The following CLEC9A variants were observed in gnomAD, a reference collection of about 807,000 sequenced individuals.
The protein encoded by CLEC9A is C-type lectin domain family 9 member A.
A neutral mutation model predicts 30.0 loss-of-function variants in CLEC9A; 24 were observed. The ratio of observed to expected loss-of-function variants is 0.80; its 90% CI spans 0.58 to 1.13. CLEC9A has a LOEUF of 1.13. Among genes scored for constraint, CLEC9A ranks in the 50% most tolerant of loss-of-function variants. CLEC9A has a pLI of 0.00. For missense variants in CLEC9A, 251 were observed against 280.9 expected, an observed-to-expected ratio of 0.89 and a Z score of 0.76; for synonymous variants, 111 against 96.8, an observed-to-expected ratio of 1.15 and a Z score of -0.86.
At chr12:10,062,939 G>C in intron 6 of CLEC9A, 116 bp from the exon 7 acceptor site, 1 of 774,192 alleles carries the variant, frequency 1.3e-6, no homozygotes, top group Non-Finnish European at 1.9e-6. Flanking sequence ...ACATCATGTG[G>C]ACCATTACGT....
In CLEC9A at chr12:10,056,128, A is replaced by G. The variant is rs190407920; in HGVS notation, c.172+1777A>G. Among the ~76,000 whole-genome samples the G allele has an allele frequency of 6.0e-5, 9 of 150,152 alleles. No individual in the cohort carries two copies. The East Asian group carries it at 1.8e-3, about 30-fold the overall frequency. On this transcript the variant is annotated intron_variant, in intron 5 of 8. Transcript: ENST00000355819. ...CATGTTGTCAAAAGATTTGCTGTTC[A>G]GTGTATACCTAAGTGTCTTCTCCAT... is the stretch of plus-strand genomic sequence containing the variant.
At chr12:10,049,578 G>GT (rs1182465384) in intron 2 of CLEC9A, among the ~76,000 whole-genome samples, 1 of 152,056 alleles carries the variant, frequency 6.6e-6, no homozygotes, top group Non-Finnish European at 1.5e-5. Flanking sequence ...TTCATCTTTC[G>GT]TTTTTTTGTT....
At chr12:10,058,867 T>C (rs948083134) in intron 5 of CLEC9A, among the ~76,000 whole-genome samples, 26 of 152,320 alleles carry the variant, frequency 1.7e-4, no homozygotes, top group African/African-American at 6.0e-4. Flanking sequence ...ATGATTTTTC[T>C]GTGTGATCGT....
chr12:10,030,911 A>AGCC lies in CLEC9A; in HGVS notation c.-379_-378insGCC, dbSNP rs1476708304. On this transcript the variant is annotated 5_prime_UTR_variant, in exon 1 of 9. Transcript: ENST00000355819. The stretch of plus-strand genomic sequence containing the variant: ...CTGGGTATTTGATCCACACAATGGT[A>AGCC]AAGATTCCCATGTTAGCCAAGATCT... 1 of 152,184 alleles carries AGCC rather than the reference A, an allele frequency of 6.6e-6. No homozygotes were observed. Among genetic ancestry groups the AGCC allele is most frequent in the African/African-American group, 2.4e-5 (1 of 41,436 alleles). The allele number at this position is 152,184 out of a possible 1,614,324, so 9.4% of individuals were successfully genotyped here.
chr12:10,034,153 T>A (rs1565587094), intron 1 of CLEC9A, among the ~76,000 whole-genome samples: 1 of 152,238 alleles, frequency 6.6e-6, no homozygotes, highest in Non-Finnish European at 1.5e-5. Context: ...GCCCTGTGGC[T>A]TTTGGCAAGT....
chr12:10,049,131 G>A (rs1041016895), intron 2 of CLEC9A, among the ~76,000 whole-genome samples: 14 of 151,540 alleles, frequency 9.2e-5, no homozygotes, highest in African/African-American at 2.7e-4. Flanking sequence ...TCAATGAGCA[G>A]TAATATTTTG....
At chr12:10,037,417 C>T (rs1208963068) in intron 1 of CLEC9A, among the ~76,000 whole-genome samples, 2 of 152,120 alleles carry the variant, frequency 1.3e-5, no homozygotes, top group Admixed American at 6.5e-5. Flanking sequence ...ATTTCAGCTC[C>T]GTGTCTCAGG....
chr12:10,042,955 T>C (rs368155347), intron 2 of CLEC9A, among the ~76,000 whole-genome samples: 1 of 152,226 alleles, frequency 6.6e-6, no homozygotes, highest in African/African-American at 2.4e-5. Context: ...ATTGAAGATA[T>C]AAATATATGT....
intron 5 of CLEC9A, chr12:10,060,635 T>A (rs73259794): frequency 0.025 from 3,867 of 156,926 alleles, 119 homozygotes; most frequent in East Asian, 0.095. Flanking sequence ...CTTGATTGTA[T>A]CAATGTCAAT....
Position 10,064,825 on chromosome 12 carries a change from C to A in CLEC9A, c.565C>A (p.Gln189Lys). The change falls in exon 8 of 9, where the codon CAA becomes AAA. Residue 189 changes from glutamine (Q) to lysine (K), a missense_variant. Physicochemically the swap from Gln to Lys is moderately conservative, Grantham distance 53. Transcript: ENST00000355819. ...TGGACACAGCGGACGCTGGCTTTGG[C>A]AAGATGGCTCCTCTCCTTCTCCTGG... The part of the protein sequence containing the change: ...QDGHSGRWLW[Q>K]DGSSPSPGLL... The A allele has an allele frequency of 1.2e-6, 2 of 1,613,088 alleles. No homozygotes were observed. The highest frequency in any genetic ancestry group is 1.7e-6 in the Non-Finnish European group (2 of 1,179,504).
intron 7 of CLEC9A, among the ~76,000 whole-genome samples, chr12:10,063,630 A>C (rs756841695): frequency 1.6e-4 from 25 of 152,352 alleles, no homozygotes; most frequent in Admixed American, 6.5e-5. Flanking sequence ...TAAAAACTGA[A>C]GTGGTGCCAT....
intron 7 of CLEC9A, 80 bp downstream of exon 7, chr12:10,063,286 C>T (rs1046552045): frequency 7.7e-6 from 10 of 1,293,246 alleles, no homozygotes; most frequent in Non-Finnish European, 1.0e-5. Flanking sequence ...TCTCATAAGA[C>T]AAAATTCCTT....
chr12:10,062,031 G>A (rs1866003136), intron 6 of CLEC9A, among the ~76,000 whole-genome samples: 1 of 152,178 alleles, frequency 6.6e-6, no homozygotes, highest in South Asian at 2.1e-4. Context: ...TATGCAGCAG[G>A]CCATTGCAAA....
chr12:10,048,627 T>G (rs1354185092), intron 2 of CLEC9A, among the ~76,000 whole-genome samples: 1 of 152,202 alleles, frequency 6.6e-6, no homozygotes, highest in Non-Finnish European at 1.5e-5. Flanking sequence ...AGAAACCATT[T>G]TATTTGCTCA....
At chr12:10,056,979 G>T (rs1303161698) in intron 5 of CLEC9A, among the ~76,000 whole-genome samples, 1 of 151,924 alleles carries the variant, frequency 6.6e-6, no homozygotes, top group Non-Finnish European at 1.5e-5. Context: ...TTTAGCTTTT[G>T]TTCTAGTGAC....
intron 4 of CLEC9A, among the ~76,000 whole-genome samples, chr12:10,053,777 T>C (rs1433505614): frequency 6.6e-6 from 1 of 152,140 alleles, no homozygotes; most frequent in African/African-American, 2.4e-5. Flanking sequence ...GGTTGTAAAG[T>C]TACCTTGGAA....
intron 2 of CLEC9A, among the ~76,000 whole-genome samples, chr12:10,049,027 A>G (rs1268587777): frequency 6.6e-6 from 1 of 152,162 alleles, no homozygotes; most frequent in Non-Finnish European, 1.5e-5. Context: ...TCCTTGATCC[A>G]TTGGTTGCAG....
chr12:10,052,508 T>C, intron 3 of CLEC9A, 122 bp from the exon 4 acceptor site: 1 of 1,300,992 alleles, frequency 7.7e-7, no homozygotes, highest in Non-Finnish European at 9.8e-7. Context: ...TTAGACTTCA[T>C]AAACTTCCAC....
Position 10,052,066 on chromosome 12 carries a change from A to T in CLEC9A, c.-87A>T, listed in dbSNP as rs1865897359. On this transcript the variant is annotated 5_prime_UTR_variant, in exon 3 of 9. Coordinates refer to ENST00000355819, the MANE Select transcript of CLEC9A (RefSeq NM_207345.4). ...TCTCATTTGGAGGAATGCTATCACT[A>T]ACTAGGATTCCTGGAGCTAAAACAT... The T allele has an allele frequency of 6.6e-6, 1 of 152,250 alleles. No homozygotes were observed. Among genetic ancestry groups the T allele is most frequent in the African/African-American group, 2.4e-5 (1 of 41,470 alleles). The allele number at this position is 152,250 out of a possible 1,614,324, so 9.4% of individuals were successfully genotyped here. A position where few individuals can be genotyped will look rare whatever the true frequency, so the allele number is the denominator to read the frequency against.
Sources: gnomAD v4.1 joint callset for allele counts (sites outside exome capture counted in the v4.1 genomes callset) on GRCh38, gnomAD v4.1.1 for gene constraint, MANE v1.5 for transcripts, NCBI Gene and HGNC (gene_info 2026-07-23, HGNC 2026-07-21) for gene names.